Variants in ITPK1 observed in about 807,000 individuals in gnomAD.
ITPK1 encodes inositol-tetrakisphosphate 1-kinase, also known as inositol 1,3,4-trisphosphate 5/6-kinase.
Under a neutral mutation model 45.3 loss-of-function variants are expected in ITPK1, and 21 were observed. That is an observed-to-expected ratio of 0.46 (90% confidence interval 0.33 to 0.67). ITPK1 has a LOEUF of 0.67. Among genes scored for constraint, ITPK1 ranks in the 30% least tolerant of loss-of-function variants. The pLI is 0.02. For missense variants in ITPK1, 474 were observed against 573.5 expected (o/e 0.83, Z 1.77); for synonymous variants, 258 against 253.6 (o/e 1.02, Z -0.16).
chr14:92,984,864 C>T (rs1008174199), intron 5 of ITPK1, among the ~76,000 whole-genome samples: 20 of 152,140 alleles, frequency 1.3e-4, no homozygotes, highest in African/African-American at 4.8e-4. Context: ...AACACCCATC[C>T]ACGGATGCTA....
intron 9 of ITPK1, among the ~76,000 whole-genome samples, chr14:92,948,637 G>A (rs1367362745): frequency 6.6e-6 from 1 of 150,516 alleles, no homozygotes; most frequent in Non-Finnish European, 1.5e-5. Context: ...TGTGCCAGGT[G>A]CACCTGAATT....
At chr14:93,089,315 G>A (rs1891776683) in intron 2 of ITPK1, among the ~76,000 whole-genome samples, 1 of 152,146 alleles carries the variant, frequency 6.6e-6, no homozygotes, top group Non-Finnish European at 1.5e-5. Flanking sequence ...CCAGAAGCCG[G>A]GGGAGCCAGC....
rs1362444586 is a variant in ITPK1 at position 93,014,548 on chromosome 14, C to T, written c.246+2128G>A. On this transcript the variant is annotated intron_variant, in intron 4 of 10. Coordinates refer to ENST00000267615, the MANE Select transcript of ITPK1 (RefSeq NM_014216.6). The surrounding 1 kb of genome is among the most constrained non-coding windows in gnomAD (Gnocchi z 4.4). Reference sequence around the variant, plus strand: ...CATTTACTCCTCCCAGCAACCTGCCCACCCAAGGAGGAAGGAACTGAGGCT... The same window carrying T: ...CATTTACTCCTCCCAGCAACCTGCCTACCCAAGGAGGAAGGAACTGAGGCT... 6.6e-6 allele frequency among the ~76,000 whole-genome samples: 1 copy of T among 152,218 alleles called. No homozygotes were observed. The highest frequency in any genetic ancestry group is 1.5e-5 in the Non-Finnish European group (1 of 68,046).
At chr14:93,056,291 C>T (rs548540899) in intron 3 of ITPK1, among the ~76,000 whole-genome samples, 5 of 152,274 alleles carry the variant, frequency 3.3e-5, no homozygotes, top group South Asian at 2.1e-4. Context: ...CACCAAGAAC[C>T]GCCAGGCCAA....
At chr14:93,013,283 C>G (rs1398245134) in intron 4 of ITPK1, among the ~76,000 whole-genome samples, 1 of 149,230 alleles carries the variant, frequency 6.7e-6, no homozygotes, top group Non-Finnish European at 1.5e-5. Flanking sequence ...CAAAAACACA[C>G]AAAAAACAAA....
intron 8 of ITPK1, among the ~76,000 whole-genome samples, chr14:92,955,853 C>T (rs1036888077): frequency 2.0e-4 from 30 of 152,180 alleles, no homozygotes; most frequent in Non-Finnish European, 7.3e-5. Context: ...GGGTGAGGGC[C>T]GGAAAGAGGC....
intron 2 of ITPK1, among the ~76,000 whole-genome samples, chr14:93,099,108 C>T (rs576407129): frequency 8.5e-5 from 13 of 152,332 alleles, no homozygotes; most frequent in Non-Finnish European, 1.8e-4. Context: ...TCTCCCCTTC[C>T]GGGTGGAAAT....
At position 92,941,752 on chromosome 14, in the gene ITPK1, C is replaced by T. The variant is rs765831049; in HGVS notation, c.1054G>A (p.Glu352Lys). Residue 352 changes from glutamate (E) to lysine (K), a missense_variant, in exon 11 of 11, where the codon GAG becomes AAG. By Grantham distance (56) the Glu-to-Lys change is moderately conservative (BLOSUM62 1). This residue lies in a region of ITPK1 where 367 missense variants were observed against 480.6 expected (regional missense o/e 0.76). Coordinates refer to ENST00000267615, the MANE Select transcript of ITPK1 (RefSeq NM_014216.6). Reference sequence around the variant, plus strand: ...CCGGGGCTGGCGCTGCATGTCCGCTCGCCCACCAGGCCGCCCGCCGGCTCG... The same window carrying T: ...CCGGGGCTGGCGCTGCATGTCCGCTTGCCCACCAGGCCGCCCGCCGGCTCG... ...LAEPAGGLVG[E>K]RTCSASPGCC... The T allele has an allele frequency of 4.4e-5, 70 of 1,601,312 alleles. No homozygotes were observed. The highest frequency in any genetic ancestry group is 9.4e-5 in the African/African-American group (7 of 74,706).
intron 5 of ITPK1, among the ~76,000 whole-genome samples, chr14:92,971,486 G>C (rs1566706395): frequency 6.6e-6 from 1 of 152,228 alleles, no homozygotes; most frequent in African/African-American, 2.4e-5. Context: ...GGCACTAGCA[G>C]GTGTGCATGA....
At chr14:93,078,387 A>G (rs1016292370) in intron 2 of ITPK1, among the ~76,000 whole-genome samples, 4 of 152,190 alleles carry the variant, frequency 2.6e-5, no homozygotes, top group African/African-American at 9.7e-5. Flanking sequence ...CCACTCCATG[A>G]GACAGGAAGA....
intron 4 of ITPK1, among the ~76,000 whole-genome samples, chr14:92,995,077 C>T (rs1157789618): frequency 6.6e-6 from 1 of 152,172 alleles, no homozygotes; most frequent in East Asian, 1.9e-4. Flanking sequence ...CCACTGGGAG[C>T]CGGGAGAGGG....
chr14:92,966,044 C>A (rs879352360), intron 5 of ITPK1, among the ~76,000 whole-genome samples: 1 of 152,212 alleles, frequency 6.6e-6, no homozygotes, highest in Non-Finnish European at 1.5e-5. Context: ...TAGACAGGGT[C>A]TCACTCAGTT....
At chr14:93,102,499 G>A (rs2402241) in intron 2 of ITPK1, among the ~76,000 whole-genome samples, 40,483 of 152,148 alleles carry the variant, frequency 0.27, 6,208 homozygotes, top group African/African-American at 0.43. Context: ...TGGGCTGGGC[G>A]TGGTGGCTCA....
chr14:92,967,521 T>C (rs1326542616), intron 5 of ITPK1, among the ~76,000 whole-genome samples: 1 of 152,152 alleles, frequency 6.6e-6, no homozygotes, highest in Non-Finnish European at 1.5e-5. Flanking sequence ...TTTCAAACAG[T>C]TAAACAGAGT....
At chr14:93,024,805 C>G (rs1245355891) in intron 3 of ITPK1, among the ~76,000 whole-genome samples, 1 of 152,186 alleles carries the variant, frequency 6.6e-6, no homozygotes, top group Non-Finnish European at 1.5e-5. Flanking sequence ...GCAAATCTCC[C>G]CCAACACCCC....
chr14:93,112,570 G>A (rs1489801846), intron 2 of ITPK1, among the ~76,000 whole-genome samples: 2 of 151,506 alleles, frequency 1.3e-5, no homozygotes, highest in Non-Finnish European at 2.9e-5. Context: ...CTCCTGAGTA[G>A]CTGGGACTAC....
chr14:92,946,600 G>T, intron 9 of ITPK1, 107 bp from the exon 10 acceptor site: 1 of 1,143,138 alleles, frequency 8.7e-7, no homozygotes, highest in Non-Finnish European at 1.3e-6. Flanking sequence ...GCATGCTTCA[G>T]GCCAGGAAGC....
At chr14:93,059,831 G>C (rs1423803170) in intron 3 of ITPK1, among the ~76,000 whole-genome samples, 1 of 131,632 alleles carries the variant, frequency 7.6e-6, no homozygotes, top group African/African-American at 3.0e-5. Flanking sequence ...GGGGTGGAGG[G>C]GGTGAGGGTC....
intron 3 of ITPK1, among the ~76,000 whole-genome samples, chr14:93,066,827 C>T (rs1410792479): frequency 6.6e-6 from 1 of 152,162 alleles, no homozygotes; most frequent in African/African-American, 2.4e-5. Flanking sequence ...TGGAACTGAC[C>T]TGAGGCAATG....
Sources: gnomAD v4.1 joint callset for allele counts (sites outside exome capture counted in the v4.1 genomes callset) on GRCh38, gnomAD v4.1.1 for gene constraint, gnomAD v4.1.1 regional missense constraint, Gnocchi (gnomAD v3.1) non-coding constraint, MANE v1.5 for transcripts, NCBI Gene and HGNC (gene_info 2026-07-23, HGNC 2026-07-21) for gene names.